DMD: variants seen among roughly 807,000 people sequenced by gnomAD.
The protein encoded by DMD is dystrophin, also known as mutant dystrophin.
DMD carries 63 observed loss-of-function variants against 330.1 expected under a neutral mutation model. The observed-to-expected ratio is 0.19, with a 90% CI of 0.16 to 0.24. The LOEUF (loss-of-function observed/expected upper bound fraction) is 0.24. Ranked by LOEUF, DMD falls within the 10% of genes least tolerant of loss-of-function variation. The pLI is 1.00. For missense variants in DMD, 3,344 were observed against 2,684.1 expected (o/e 1.25, Z -5.43); for synonymous variants, 1,223 against 959.8 (o/e 1.27, Z -5.07).
At chrX:32,983,574 C>CACACACAT (rs1436924677) in intron 2 of DMD, among the ~76,000 whole-genome samples, 2 of 63,952 alleles carry the variant, frequency 3.1e-5, no homozygotes, top group African/African-American at 3.6e-4. Context: ...CACACACACA[C>CACACACAT]ATATAGGAAC....
chrX:32,858,842 C>G (rs1351696609), intron 2 of DMD, among the ~76,000 whole-genome samples: 1 of 111,063 alleles, frequency 9.0e-6, no homozygotes, highest in Non-Finnish European at 1.9e-5. Flanking sequence ...TTCCTGCCTG[C>G]AACTTACTCT....
intron 12 of DMD, among the ~76,000 whole-genome samples, chrX:32,597,872 C>G (rs996392020): frequency 1.8e-5 from 2 of 112,193 alleles, no homozygotes; most frequent in African/African-American, 6.5e-5. Flanking sequence ...TTCTAGGCAA[C>G]TACTTTGTTT....
At chrX:32,159,617 TG>T (rs762500403) in intron 44 of DMD, among the ~76,000 whole-genome samples, 2 of 111,939 alleles carry the variant, frequency 1.8e-5, no homozygotes, top group African/African-American at 3.2e-5. Context: ...AATCTTTTGG[TG>T]GTTGTGATGT....
At chrX:32,042,483 T>G (rs1316696611) in intron 44 of DMD, among the ~76,000 whole-genome samples, 1 of 110,922 alleles carries the variant, frequency 9.0e-6, no homozygotes. Context: ...GAGAACAGCA[T>G]GGGCAAAACC....
chrX:31,720,452 T>G (rs2085383540), intron 52 of DMD, among the ~76,000 whole-genome samples: 3 of 111,431 alleles, frequency 2.7e-5, no homozygotes, highest in Admixed American at 9.6e-5. Flanking sequence ...AATTCAAGAC[T>G]TTAGTTACAA....
intron 62 of DMD, among the ~76,000 whole-genome samples, chrX:31,319,260 A>G (rs1391260989): frequency 1.8e-5 from 2 of 112,169 alleles, no homozygotes; most frequent in Non-Finnish European, 3.8e-5. Flanking sequence ...TCCGTCAAGG[A>G]CAGACTAAAA....
intron 6 of DMD, among the ~76,000 whole-genome samples, chrX:32,814,235 T>A (rs1209716851): frequency 1.8e-5 from 2 of 112,457 alleles, no homozygotes; most frequent in South Asian, 7.3e-4. Context: ...TTTATCTGCA[T>A]CTTTTGTACA....
At chrX:32,892,365 C>A (rs930544365) in intron 2 of DMD, among the ~76,000 whole-genome samples, 1 of 110,672 alleles carries the variant, frequency 9.0e-6, no homozygotes, top group South Asian at 3.7e-4. Context: ...ATGCCCCCCA[C>A]GCCATGTTGT....
At chrX:32,876,349 T>C (rs2083375737) in intron 2 of DMD, among the ~76,000 whole-genome samples, 1 of 112,198 alleles carries the variant, frequency 8.9e-6, no homozygotes, top group Non-Finnish European at 1.9e-5. Context: ...TTGACAGTTA[T>C]CCAATTTAGT....
At chrX:32,993,648 A>G (rs962536799) in intron 2 of DMD, among the ~76,000 whole-genome samples, 2 of 110,865 alleles carry the variant, frequency 1.8e-5, no homozygotes, top group Non-Finnish European at 3.8e-5. Flanking sequence ...TAAAATTATT[A>G]AAGTGTGGCT....
intron 2 of DMD, among the ~76,000 whole-genome samples, chrX:32,885,822 A>AGCG (rs1557115276): frequency 2.3e-5 from 1 of 43,109 alleles, no homozygotes; most frequent in African/African-American, 8.3e-5. Context: ...GTTTCCCTTG[A>AGCG]GGGGGAAAAA....
At chrX:32,611,701 T>C (rs937394626) in intron 12 of DMD, among the ~76,000 whole-genome samples, 9 of 111,607 alleles carry the variant, frequency 8.1e-5, no homozygotes, top group African/African-American at 2.9e-4. Context: ...ACATTCTTCT[T>C]CTACTGCTCT....
At chrX:32,684,545 C>T (rs1220833213) in intron 9 of DMD, among the ~76,000 whole-genome samples, 1 of 111,297 alleles carries the variant, frequency 9.0e-6, no homozygotes, top group African/African-American at 3.3e-5. Flanking sequence ...AAATTATGCA[C>T]CAGAAGGACA....
At chrX:31,218,202 C>G (rs1435340251) in intron 64 of DMD, among the ~76,000 whole-genome samples, 2 of 103,663 alleles carry the variant, frequency 1.9e-5, no homozygotes, top group East Asian at 5.8e-4. Context: ...GTTTTTCCAT[C>G]TGGTCTATTT....
At chrX:32,776,914 G>A (rs1284699047) in intron 7 of DMD, among the ~76,000 whole-genome samples, 1 of 111,289 alleles carries the variant, frequency 9.0e-6, no homozygotes, top group Non-Finnish European at 1.9e-5. Context: ...GATGTTTTAT[G>A]GTTACAAAAA....
intron 3 of DMD, among the ~76,000 whole-genome samples, chrX:32,845,487 CTGTTT>C (rs1486241415): frequency 1.8e-5 from 2 of 111,591 alleles, no homozygotes; most frequent in African/African-American, 6.5e-5. Context: ...TTATGATAAC[CTGTTT>C]TATTTACTCT....
chrX:32,879,936 G>C (rs1309776702), intron 2 of DMD, among the ~76,000 whole-genome samples: 1 of 111,058 alleles, frequency 9.0e-6, no homozygotes, highest in Non-Finnish European at 1.9e-5. Context: ...CATTTGAATA[G>C]ACATTAGCCT....
At chrX:32,685,796 C>T (rs1164262296) in intron 9 of DMD, among the ~76,000 whole-genome samples, 1 of 111,438 alleles carries the variant, frequency 9.0e-6, no homozygotes, top group East Asian at 2.8e-4. Flanking sequence ...ATCATTAATC[C>T]TTCCAAAGAT....
chrX:32,210,824 G>A (rs2097091069), intron 44 of DMD, among the ~76,000 whole-genome samples: 1 of 111,517 alleles, frequency 9.0e-6, no homozygotes, highest in Non-Finnish European at 1.9e-5. Flanking sequence ...GGCTGCGAGT[G>A]CTGAAAGCAA....
Sources: gnomAD v4.1 joint callset for allele counts (sites outside exome capture counted in the v4.1 genomes callset) on GRCh38, gnomAD v4.1.1 for gene constraint, MANE v1.5 for transcripts, NCBI Gene and HGNC (gene_info 2026-07-23, HGNC 2026-07-21) for gene names.